Variants in EFCAB3 observed in about 807,000 individuals in gnomAD.
EFCAB3 encodes the protein EF-hand calcium-binding domain-containing protein 3.
EFCAB3 carries 36 observed loss-of-function variants against 42.2 expected under a neutral mutation model. The observed-to-expected ratio is 0.85, with a 90% CI of 0.65 to 1.13. EFCAB3 has a LOEUF of 1.13. EFCAB3 is among the 50% of genes most tolerant of loss of function. The probability of loss-of-function intolerance (pLI) is 0.00; values close to 1 mark genes in which losing one functional copy is unlikely to be tolerated. For missense variants in EFCAB3, 418 were observed against 505.1 expected, an observed-to-expected ratio of 0.83 and a Z score of 1.65; for synonymous variants, 170 against 172.8, an observed-to-expected ratio of 0.98 and a Z score of 0.13.
chr17:62,401,196 T>A (rs1029060168), intron 6 of EFCAB3, among the ~76,000 whole-genome samples: 2 of 152,236 alleles, frequency 1.3e-5, no homozygotes, highest in African/African-American at 4.8e-5. Context: ...TAGCCCTTTG[T>A]CAGATGGGTA....
At position 62,413,867 on chromosome 17, in the gene EFCAB3, T is replaced by C. The variant is rs1317039553; in HGVS notation, c.990+13T>C. 1 of 1,603,844 alleles carries C rather than the reference T, an allele frequency of 6.2e-7. No homozygotes were observed. Among genetic ancestry groups the C allele is most frequent in the South Asian group, 1.1e-5 (1 of 89,358 alleles). On this transcript the variant is annotated intron_variant, in intron 9 of 9. Coordinates refer to ENST00000305286, the MANE Select transcript of EFCAB3 (RefSeq NM_173503.4). ...TATTAAACAACATGTGAGTATTCCT[T>C]GTTGAGTTCCTTCCCAGAAATCACT...
At chr17:62,377,344 C>A (rs375035444), upstream of EFCAB3, among the ~76,000 whole-genome samples, 2 of 151,982 alleles carry the variant, frequency 1.3e-5, no homozygotes, top group Admixed American at 6.6e-5. Flanking sequence ...CAAACCAAAC[C>A]AAACATAGGA....
chr17:62,370,318 T>G, exon 1 of EFCAB3: 2 of 1,551,640 alleles, frequency 1.3e-6, no homozygotes, highest in Non-Finnish European at 1.7e-6. Context: ...ATTTGACATT[T>G]AACGGTGAGG....
intron 6 of EFCAB3, among the ~76,000 whole-genome samples, chr17:62,398,609 A>T (rs2070374500): frequency 6.6e-6 from 1 of 151,976 alleles, no homozygotes; most frequent in South Asian, 2.1e-4. Context: ...TCAAGGCTAC[A>T]GTAAGCCATG....
At chr17:62,411,377 A>C (rs1443802248) in intron 8 of EFCAB3, among the ~76,000 whole-genome samples, 2 of 152,200 alleles carry the variant, frequency 1.3e-5, no homozygotes. Flanking sequence ...AAAAGATATG[A>C]ATTCTTAAAT....
At chr17:62,389,050 G>A (rs2070280326) in intron 3 of EFCAB3, among the ~76,000 whole-genome samples, 1 of 152,228 alleles carries the variant, frequency 6.6e-6, no homozygotes, top group Admixed American at 6.5e-5. Flanking sequence ...GGGGCCACAA[G>A]AGGAAGCACC....
intron 2 of EFCAB3, among the ~76,000 whole-genome samples, chr17:62,383,550 T>C (rs536916314): frequency 6.6e-6 from 1 of 152,314 alleles, no homozygotes; most frequent in Admixed American, 6.5e-5. Context: ...ATATTTATTA[T>C]ATGATAACTT....
At chr17:62,380,449 A>G (rs2070186905), upstream of EFCAB3, 2 of 468,832 alleles carry the variant, frequency 4.3e-6, no homozygotes, top group South Asian at 1.8e-4. Flanking sequence ...AACCACACTG[A>G]AAACACACTT....
rs147231852 is a variant in EFCAB3, at chr17:62,409,063, A to G, written c.867+1851A>G. Among the ~76,000 whole-genome samples, 818 of 152,184 alleles carry G rather than the reference A, an allele frequency of 5.4e-3. 12 individuals are homozygous for G. Among genetic ancestry groups the G allele is most frequent in the African/African-American group, 0.017 (714 of 41,540 alleles). On this transcript the variant is annotated intron_variant, in intron 8 of 9. Coordinates refer to ENST00000305286, the MANE Select transcript of EFCAB3 (RefSeq NM_173503.4). ...TTATGTTACATGAATTTTCACTTTAATAATTTTTTTTTGAGTCAGAGTCTT... is the reference window on the plus strand; with the variant it reads ...TTATGTTACATGAATTTTCACTTTAGTAATTTTTTTTTGAGTCAGAGTCTT...
At chr17:62,409,418 C>T (rs1392123042) in intron 8 of EFCAB3, among the ~76,000 whole-genome samples, 1 of 152,050 alleles carries the variant, frequency 6.6e-6, no homozygotes, top group Non-Finnish European at 1.5e-5. Flanking sequence ...ACCCCTAATC[C>T]CAGCTGATTA....
intron 1 of EFCAB3, 91 bp from the exon 2 acceptor site, chr17:62,382,872 C>A (rs2070215029): frequency 1.8e-6 from 2 of 1,128,496 alleles, no homozygotes; most frequent in Middle Eastern, 2.0e-4. Flanking sequence ...CTAGACTTTT[C>A]AAACTCCAGG....
At chr17:62,372,829 T>C (rs2070123457) in intron 1 of EFCAB3, among the ~76,000 whole-genome samples, 2 of 152,156 alleles carry the variant, frequency 1.3e-5, no homozygotes, top group African/African-American at 4.8e-5. Context: ...ATAGCCCCCA[T>C]GTACTTCTCA....
rs565838985 is a variant in EFCAB3, at chr17:62,392,787, G to A, written c.296-786G>A. Among the ~76,000 whole-genome samples, 9 of 152,052 alleles carry A rather than the reference G, an allele frequency of 5.9e-5. No individual in the cohort carries two copies. The East Asian group carries it at 1.2e-3, about 20-fold the overall frequency. ...TGAGTAGCTGGGACTACAGGCGCCC[G>A]CCACCATGCCCGGCTAATTTTTTGT... On this transcript the variant is annotated intron_variant, in intron 4 of 9. Coordinates refer to ENST00000305286, the MANE Select transcript of EFCAB3 (RefSeq NM_173503.4).
rs552830249 is a variant in EFCAB3 at position 62,392,248 on chromosome 17, C to CCA, written c.295+296_295+297dup. ...ATATATCCATATATCTATGTATACA[C>CCA]CACACACACACACATATATATATAG... On this transcript the variant is annotated intron_variant, in intron 4 of 9. Coordinates refer to ENST00000305286, the MANE Select transcript of EFCAB3 (RefSeq NM_173503.4). Among the ~76,000 whole-genome samples the CCA allele has an allele frequency of 9.0e-3, 1,345 of 149,656 alleles. 16 individuals are homozygous for CCA. Among genetic ancestry groups the CCA allele is most frequent in the African/African-American group, 0.031 (1,276 of 40,816 alleles).
At chr17:62,373,678 T>C in intron 1 of EFCAB3, 1 of 611,172 alleles carries the variant, frequency 1.6e-6, no homozygotes. Context: ...TGAATCCAAA[T>C]TCCAAAGCAA....
rs146080567 is a variant in EFCAB3 at position 62,399,141 on chromosome 17, C to A, written c.488+3953C>A. On this transcript the variant is annotated intron_variant, in intron 6 of 9. Coordinates refer to ENST00000305286, the MANE Select transcript of EFCAB3 (RefSeq NM_173503.4). ...CTGCAGATCATATCACTCCTCTGCT[C>A]AAAACCTTCAAAACCCTCCCATTTC... Among the ~76,000 whole-genome samples the A allele has an allele frequency of 2.6e-3, 399 of 151,942 alleles. 2 individuals carry two copies. Among genetic ancestry groups the A allele is most frequent in the African/African-American group, 9.2e-3 (383 of 41,478 alleles).
rs747026560 is a variant in EFCAB3, at chr17:62,395,065, T to C, written c.368-3T>C. On this transcript the variant is annotated splice_polypyrimidine_tract_variant and splice_region_variant and intron_variant, in intron 5 of 9. Transcript: ENST00000305286. ...AAATCTATCTTTTGTTTTCCCTCCA[T>C]AGTTCCAGAAAAGGAGACCTGTTTA... 2 of 1,613,502 alleles carry C rather than the reference T, an allele frequency of 1.2e-6. No homozygotes were observed. The highest frequency in any genetic ancestry group is 1.7e-5 in the Admixed American group (1 of 59,812).
rs891062877 is a variant in EFCAB3, at chr17:62,393,577, T to C, written c.300T>C (p.Asp100=). The C allele has an allele frequency of 1.2e-6, 2 of 1,614,016 alleles. No homozygotes were observed. Among genetic ancestry groups the C allele is most frequent in the Non-Finnish European group, 1.7e-6 (2 of 1,179,892 alleles). The change falls in exon 5 of 10, where the codon GAT becomes GAC. Residue 100 remains aspartate, a synonymous_variant. Transcript: ENST00000305286. The part of the protein sequence containing the change: ...NELKCADIDR[D]GKVNFSDFIK... ...AGTCTCAGATTTTTGTTGCAGGAGATGGGAAGGTGAACTTCTCAGACTTTA... is the reference window on the plus strand; with the variant it reads ...AGTCTCAGATTTTTGTTGCAGGAGACGGGAAGGTGAACTTCTCAGACTTTA...
intron 3 of EFCAB3, 56 bp downstream of exon 3, chr17:62,387,472 C>A: frequency 7.1e-7 from 1 of 1,410,804 alleles, no homozygotes; most frequent in South Asian, 1.2e-5. Flanking sequence ...ATGTCTGATC[C>A]TTTCTTCTCT....
Sources: allele counts gnomAD v4.1 joint callset (sites outside exome capture counted in the v4.1 genomes callset), GRCh38; gene constraint gnomAD v4.1.1; transcripts MANE v1.5; gene names NCBI Gene and HGNC (gene_info 2026-07-23, HGNC 2026-07-21).